LCA5L: variants seen among roughly 807,000 people sequenced by gnomAD.
LCA5L encodes the protein lebercilin LCA5 like.
Under a neutral mutation model 45.4 loss-of-function variants are expected in LCA5L, and 35 were observed. That is an observed-to-expected ratio of 0.77 (90% CI 0.59 to 1.02). The LOEUF (loss-of-function observed/expected upper bound fraction) is 1.02, where lower values mean the gene tolerates loss of function less well. Ranked by LOEUF, LCA5L falls within the 50% of genes least tolerant of loss-of-function variation. The probability of loss-of-function intolerance (pLI) is 0.00; values close to 1 mark genes in which losing one functional copy is unlikely to be tolerated. For synonymous variants in LCA5L, 233 were observed against 264.7 expected, an observed-to-expected ratio of 0.88 and a Z score of 1.16; for missense variants, 668 against 761.6, an observed-to-expected ratio of 0.88 and a Z score of 1.45.
chr21:39,428,699 A>G (rs1420596324), intron 4 of LCA5L, among the ~76,000 whole-genome samples, 196 bp from the exon 5 acceptor site: 2 of 138,458 alleles, frequency 1.4e-5, no homozygotes, highest in Non-Finnish European at 3.0e-5. Flanking sequence ...TGCAGCCTTG[A>G]CCTCCTGGGC....
chr21:39,426,988 A>G (rs555802249), intron 5 of LCA5L, among the ~76,000 whole-genome samples: 1 of 152,374 alleles, frequency 6.6e-6, no homozygotes, highest in East Asian at 1.9e-4. Context: ...GTTCACAGAC[A>G]TGTGTCTTAG....
intron 7 of LCA5L, among the ~76,000 whole-genome samples, chr21:39,412,023 G>A (rs1601720050): frequency 6.6e-6 from 1 of 152,290 alleles, no homozygotes; most frequent in East Asian, 1.9e-4. Flanking sequence ...CAGTATTTTT[G>A]AAGAGCCTTG....
chr21:39,433,414 CAA>C (rs765560945), intron 3 of LCA5L, among the ~76,000 whole-genome samples: 49 of 62,778 alleles, frequency 7.8e-4, no homozygotes, highest in African/African-American at 2.3e-3. Context: ...AACTCTGTCT[CAA>C]AAAAAAAAAA....
intron 7 of LCA5L, among the ~76,000 whole-genome samples, 184 bp downstream of exon 7, chr21:39,420,522 C>CAAAAAAAA (rs397972848): frequency 0.014 from 1,186 of 86,306 alleles, 87 homozygotes; most frequent in African/African-American, 0.023. Flanking sequence ...GATTCTATCT[C>CAAAAAAAA]AAAAAAAAAA....
chr21:39,414,742 CTGTGTG>C (rs66478742), intron 7 of LCA5L, among the ~76,000 whole-genome samples: 70 of 99,230 alleles, frequency 7.1e-4, no homozygotes, highest in African/African-American at 1.9e-3. Context: ...CTCTCTCTCT[CTGTGTG>C]TGTGTGTGTG....
Position 39,418,509 on chromosome 21 carries a change from A to T in LCA5L, c.975+2197T>A, listed in dbSNP as rs559842470. Among the ~76,000 whole-genome samples, 635 of 151,698 alleles carry T rather than the reference A, an allele frequency of 4.2e-3. 6 individuals are homozygous for T. The highest frequency in any genetic ancestry group is 0.015 in the African/African-American group (612 of 41,354). On this transcript the variant is annotated intron_variant, in intron 7 of 10. Coordinates refer to ENST00000288350, the MANE Select transcript of LCA5L (RefSeq NM_152505.4). ...TGGTTATTTTTATTTTATTTTTTTT[A>T]AATTTTTTTGAGATGGAGCCTCACT...
intron 2 of LCA5L, among the ~76,000 whole-genome samples, chr21:39,443,281 A>G (rs1569135442): frequency 6.6e-6 from 1 of 152,226 alleles, no homozygotes; most frequent in South Asian, 2.1e-4. Context: ...ACGTGGGGTC[A>G]AAGAAGATTC....
chr21:39,438,565 A>G (rs919696822), intron 2 of LCA5L: 1 of 152,352 alleles, frequency 6.6e-6, no homozygotes, highest in Admixed American at 6.5e-5. Flanking sequence ...CTTAATTTGC[A>G]GAGACCTCTT....
chr21:39,441,979 A>G (rs1420228070), intron 2 of LCA5L, among the ~76,000 whole-genome samples: 1 of 152,186 alleles, frequency 6.6e-6, no homozygotes, highest in East Asian at 1.9e-4. Context: ...ACAATGATGA[A>G]CACAAACAGC....
At chr21:39,414,732 C>CTGTGTGTGTGTGTGTGTGTGTG (rs1464601997) in intron 7 of LCA5L, among the ~76,000 whole-genome samples, 2 of 110,394 alleles carry the variant, frequency 1.8e-5, no homozygotes, top group African/African-American at 7.8e-5. Flanking sequence ...CTCTCTCTCT[C>CTGTGTGTGTGTGTGTGTGTGTG]TCTCTCTCTC....
chr21:39,415,617 A>G (rs2040994757), intron 7 of LCA5L, among the ~76,000 whole-genome samples: 1 of 152,212 alleles, frequency 6.6e-6, no homozygotes, highest in African/African-American at 2.4e-5. Flanking sequence ...CCTTCACATA[A>G]TCAAATATCC....
intron 2 of LCA5L, chr21:39,435,963 T>C (rs1365775568): frequency 6.6e-6 from 1 of 152,214 alleles, no homozygotes; most frequent in Non-Finnish European, 1.5e-5. Context: ...TCTATGAAAG[T>C]GAATCACCTG....
At chr21:39,423,700 C>A (rs1225448828) in intron 5 of LCA5L, among the ~76,000 whole-genome samples, 2 of 152,126 alleles carry the variant, frequency 1.3e-5, no homozygotes, top group Non-Finnish European at 2.9e-5. Context: ...TCATTTAATA[C>A]AATTCTTTAA....
At chr21:39,433,414 CAAAAA>C (rs765560945) in intron 3 of LCA5L, among the ~76,000 whole-genome samples, 8 of 62,766 alleles carry the variant, frequency 1.3e-4, no homozygotes, top group African/African-American at 3.1e-4. Flanking sequence ...AACTCTGTCT[CAAAAA>C]AAAAAAAAAA....
chr21:39,437,846 A>C (rs993419372), intron 2 of LCA5L, among the ~76,000 whole-genome samples: 1 of 152,200 alleles, frequency 6.6e-6, no homozygotes, highest in African/African-American at 2.4e-5. Context: ...GTTTACTACG[A>C]ATAATATGAA....
At chr21:39,419,738 AAAAAGTT>A in intron 7 of LCA5L, among the ~76,000 whole-genome samples, 1 of 152,084 alleles carries the variant, frequency 6.6e-6, no homozygotes, top group Non-Finnish European at 1.5e-5. Context: ...CTTAAAAATA[AAAAAGTT>A]AAAGATCCTT....
At position 39,411,794 on chromosome 21, in the gene LCA5L, A is replaced by G; in HGVS notation, c.984T>C (p.Asp328=). 6.3e-7 allele frequency: 1 copy of G among 1,581,800 alleles called. No individual in the cohort carries two copies. Among genetic ancestry groups the G allele is most frequent in the South Asian group, 1.2e-5 (1 of 85,396 alleles). ...KHLQQKLKEK[D]RELEIKNIYS... ...AGATGTTTTTAATTTCAAGCTCACG[A>G]TCCTTTTCCTAAAAAGAACCACAAA... is the stretch of plus-strand genomic sequence containing the variant. Residue 328 remains aspartate (D), a synonymous_variant, in exon 8 of 11, where the codon GAT becomes GAC. Transcript: ENST00000288350.
intron 1 of LCA5L, chr21:39,445,410 C>T (rs1180689831): frequency 6.6e-6 from 1 of 152,366 alleles, no homozygotes; most frequent in Non-Finnish European, 1.5e-5. Flanking sequence ...CCTCCGCCCC[C>T]TCGCCAGACC....
chr21:39,410,696 C>T (rs975797600), intron 8 of LCA5L: 3 of 386,382 alleles, frequency 7.8e-6, no homozygotes, highest in African/African-American at 6.3e-5. Context: ...ACCGAGCTAT[C>T]CTGTGGCGGA....
Sources: allele counts gnomAD v4.1 joint callset (sites outside exome capture counted in the v4.1 genomes callset), GRCh38; gene constraint gnomAD v4.1.1; transcripts MANE v1.5; gene names NCBI Gene and HGNC (gene_info 2026-07-23, HGNC 2026-07-21).